Variants in CLDN18 observed in about 807,000 individuals in gnomAD.
CLDN18 encodes the protein claudin 18.
CLDN18 carries 20 observed loss-of-function variants against 25.0 expected under a neutral mutation model. That is an observed-to-expected ratio of 0.80 (90% confidence interval 0.56 to 1.16). The LOEUF (loss-of-function observed/expected upper bound fraction) is 1.16, where lower values mean the gene tolerates loss of function less well. CLDN18 is among the 50% of genes most tolerant of loss of function. CLDN18 has a pLI of 0.00. For missense variants in CLDN18, 297 were observed against 345.4 expected (o/e 0.86, Z 1.11); for synonymous variants, 125 against 135.6 (o/e 0.92, Z 0.54).
Position 138,030,983 on chromosome 3 carries a change from T to G in CLDN18, c.628T>G (p.Ser210Ala), listed in dbSNP as rs1559809017. The change falls in exon 5 of 5, where the codon TCT (serine) becomes GCT (alanine). Residue 210 changes from serine to alanine, a missense_variant. Physicochemically the swap from Ser to Ala is moderately conservative, Grantham distance 99. Transcript: ENST00000183605. ...APEETNYKAVSYHASGHSVAY... is the reference protein window; with the variant it reads ...APEETNYKAVAYHASGHSVAY... ...TTTTTCTTTCAGCTACAAAGCCGTT[T>G]CTTATCATGCCTCAGGCCACAGTGT... 1 of 1,611,860 alleles carries G rather than the reference T, an allele frequency of 6.2e-7. No individual in the cohort carries two copies. The highest frequency in any genetic ancestry group is 8.5e-7 in the Non-Finnish European group (1 of 1,179,058).
intron 1 of CLDN18, among the ~76,000 whole-genome samples, chr3:138,018,023 T>G (rs1032908088): frequency 1.2e-4 from 18 of 152,148 alleles, no homozygotes; most frequent in Non-Finnish European, 2.4e-4. Context: ...CATCATGCCC[T>G]AGGATGGCCT....
chr3:138,019,246 G>A (rs776226012), intron 1 of CLDN18, among the ~76,000 whole-genome samples: 18 of 152,178 alleles, frequency 1.2e-4, no homozygotes, highest in Non-Finnish European at 2.2e-4. Context: ...GTATCACATT[G>A]TTCTGTAGAA....
In CLDN18 at chr3:138,010,175, C is replaced by T. The variant is rs760849544; in HGVS notation, c.-51C>T. ...GAGCGCGTTAGCTTCACACCTTCGG[C>T]AGCAGGAGGGCGGCAGCTTCTCGCA... is the stretch of plus-strand genomic sequence containing the variant. On this transcript the variant is annotated 5_prime_UTR_variant, in exon 1 of 5. Transcript: ENST00000183605. The T allele has an allele frequency of 1.3e-6, 2 of 1,589,842 alleles. No individual in the cohort carries two copies. The highest frequency in any genetic ancestry group is 1.7e-6 in the Non-Finnish European group (2 of 1,168,268).
At chr3:138,025,894 A>G (rs1325829273) in intron 3 of CLDN18, among the ~76,000 whole-genome samples, 1 of 152,094 alleles carries the variant, frequency 6.6e-6, no homozygotes, top group East Asian at 1.9e-4. Context: ...TCTACCAGCC[A>G]CTTTGCAGTT....
chr3:138,029,878 C>G lies in CLDN18; in HGVS notation c.585C>G (p.Ala195=), dbSNP rs142534874. 1.3e-6 allele frequency: 2 copies of G among 1,595,248 alleles called. No individual in the cohort carries two copies. Among genetic ancestry groups the G allele is most frequent in the Non-Finnish European group, 1.7e-6 (2 of 1,171,058 alleles). ...TLIGGVMMCI[A]CRGLAPEETN... is the part of the protein sequence containing the mutation. The stretch of plus-strand genomic sequence containing the variant: ...TTGGGGGTGTGATGATGTGCATCGC[C>G]TGCCGGGGCCTGGCACCAGAAGAAA... The change falls in exon 4 of 5, where the codon GCC becomes GCG. Residue 195 remains alanine, a synonymous_variant. Transcript: ENST00000183605.
chr3:138,013,526 A>G (rs1329403807), intron 1 of CLDN18, among the ~76,000 whole-genome samples: 1 of 152,218 alleles, frequency 6.6e-6, no homozygotes, highest in Non-Finnish European at 1.5e-5. Flanking sequence ...GAGGCACAAC[A>G]GTTCTTAACT....
chr3:138,029,934 A>C (rs745804226), intron 4 of CLDN18, 27 bp downstream of exon 4: 16 of 1,389,770 alleles, frequency 1.2e-5, no homozygotes, highest in Non-Finnish European at 1.6e-5. Context: ...CGCTGCAACC[A>C]GACGTTTTAT....
chr3:138,020,276 C>A (rs1487457332), intron 1 of CLDN18, among the ~76,000 whole-genome samples: 3 of 152,146 alleles, frequency 2.0e-5, no homozygotes, highest in Non-Finnish European at 4.4e-5. Context: ...GACTGTTGAT[C>A]GTTGTTTGTA....
At chr3:138,011,309 A>C (rs990852479) in intron 1 of CLDN18, among the ~76,000 whole-genome samples, 4 of 152,226 alleles carry the variant, frequency 2.6e-5, no homozygotes, top group Non-Finnish European at 2.9e-5. Context: ...TACCTTTTAT[A>C]AACAAGTAGA....
At chr3:137,998,853 G>C (rs372769842) in exon 1 of CLDN18, 1 of 1,613,346 alleles carries the variant, frequency 6.2e-7, no homozygotes, top group Admixed American at 1.7e-5. Flanking sequence ...GCTCTGTGTC[G>C]ACACTGTGCG....
intron 1 of CLDN18, among the ~76,000 whole-genome samples, chr3:137,999,392 C>A (rs1200701918): frequency 6.6e-6 from 1 of 152,172 alleles, no homozygotes; most frequent in African/African-American, 2.4e-5. Context: ...CCCATAGGAA[C>A]AGGACTCAGG....
At position 138,010,276 on chromosome 3, in the gene CLDN18, G is replaced by C; in HGVS notation, c.51G>C (p.Gly17=). Residue 17 remains glycine, a synonymous_variant, in exon 1 of 5, where the codon GGG becomes GGC. Transcript: ENST00000183605. The part of the protein sequence containing the change: ...QVVAFLLSIL[G]LAGCIAATGM... ...TGGCGTTCCTCCTGTCCATCCTGGG[G>C]CTGGCCGGCTGCATCGCGGCCACCG... The C allele has an allele frequency of 6.2e-7, 1 of 1,614,092 alleles. No individual in the cohort carries two copies. Among genetic ancestry groups the C allele is most frequent in the Non-Finnish European group, 8.5e-7 (1 of 1,180,012 alleles).
At chr3:137,998,834 TGTC>T (rs934550704) in exon 1 of CLDN18, 3 of 1,601,384 alleles carry the variant, frequency 1.9e-6, no homozygotes, top group African/African-American at 2.7e-5. Flanking sequence ...GCTGTCCACT[TGTC>T]GTGTGGCTCT....
Position 138,031,256 on chromosome 3 carries a change from A to C in CLDN18, c.*115A>C. Reference sequence around the variant, plus strand: ...TTGACTCACAGCTGGAAGTTAGAAAAGCCTCGATTTCATCTTTGGAGAGGC... The same window carrying C: ...TTGACTCACAGCTGGAAGTTAGAAACGCCTCGATTTCATCTTTGGAGAGGC... On this transcript the variant is annotated 3_prime_UTR_variant, in exon 5 of 5. Coordinates refer to ENST00000183605, the MANE Select transcript of CLDN18 (RefSeq NM_016369.4). The C allele has an allele frequency of 1.0e-6, 1 of 959,294 alleles. No homozygotes were observed. Among genetic ancestry groups the C allele is most frequent in the Non-Finnish European group, 1.5e-6 (1 of 667,236 alleles). 59.4% of individuals were successfully genotyped at this position (959,294 alleles called of 1,614,324 possible).
At chr3:138,010,494 G>A in intron 1 of CLDN18, 49 bp downstream of exon 1, 1 of 1,606,248 alleles carries the variant, frequency 6.2e-7, no homozygotes, top group Non-Finnish European at 8.5e-7. Flanking sequence ...AGGTGAGCAG[G>A]GAAGGGGGCG....
chr3:138,011,848 A>T (rs550828644), intron 1 of CLDN18, among the ~76,000 whole-genome samples: 4 of 152,176 alleles, frequency 2.6e-5, no homozygotes, highest in African/African-American at 9.6e-5. Flanking sequence ...AAATGGGCAA[A>T]CCCCATTGCG....
intron 1 of CLDN18, chr3:137,999,175 C>A: frequency 8.3e-7 from 1 of 1,211,810 alleles, no homozygotes; most frequent in Non-Finnish European, 1.2e-6. Flanking sequence ...ACGACAGGGA[C>A]TGCTGGGGAG....
chr3:138,030,946 A>G, intron 4 of CLDN18, 24 bp from the exon 5 acceptor site: 1 of 1,604,510 alleles, frequency 6.2e-7, no homozygotes, highest in Non-Finnish European at 8.5e-7. Context: ...ATCTACAATC[A>G]TGGAATGTTT....
At chr3:138,014,906 T>C (rs1288715326) in intron 1 of CLDN18, among the ~76,000 whole-genome samples, 1 of 151,886 alleles carries the variant, frequency 6.6e-6, no homozygotes, top group Non-Finnish European at 1.5e-5. Context: ...GGTGGGAGGA[T>C]TGCTTGAGGC....
Sources: gnomAD v4.1 joint callset for allele counts (sites outside exome capture counted in the v4.1 genomes callset) on GRCh38, gnomAD v4.1.1 for gene constraint, MANE v1.5 for transcripts, NCBI Gene and HGNC (gene_info 2026-07-23, HGNC 2026-07-21) for gene names.